The following YAP1 variants were observed in gnomAD, a reference collection of about 807,000 sequenced individuals.
YAP1 encodes the protein Yes1 associated transcriptional regulator.
Under a neutral mutation model 56.9 loss-of-function variants are expected in YAP1, and 5 were observed. That is an observed-to-expected ratio of 0.09 (90% CI 0.05 to 0.18). The LOEUF (loss-of-function observed/expected upper bound fraction) is 0.18, where lower values mean the gene tolerates loss of function less well. Ranked by LOEUF, YAP1 falls within the 10% of genes least tolerant of loss-of-function variation. The pLI, the probability that YAP1 is intolerant of heterozygous loss-of-function variation, is 1.00. For missense variants in YAP1, 539 were observed against 651.8 expected (o/e 0.83, Z 1.88); for synonymous variants, 265 against 248.1 (o/e 1.07, Z -0.64).
intron 4 of YAP1, among the ~76,000 whole-genome samples, chr11:102,199,611 CTCT>C (rs1299661638): frequency 6.6e-6 from 1 of 152,152 alleles, no homozygotes; most frequent in African/African-American, 2.4e-5. Context: ...CATCCCTTCT[CTCT>C]TCTTCCAGAC....
At chr11:102,115,993 T>A (rs1015489419) in intron 2 of YAP1, among the ~76,000 whole-genome samples, 1 of 152,216 alleles carries the variant, frequency 6.6e-6, no homozygotes, top group Non-Finnish European at 1.5e-5. Flanking sequence ...TTTATGCTCT[T>A]CTTCTTAGTT....
intron 2 of YAP1, among the ~76,000 whole-genome samples, chr11:102,161,053 C>CTTT (rs67023819): frequency 0.022 from 1,692 of 75,290 alleles, 23 homozygotes; most frequent in African/African-American, 0.04. Context: ...TAATTTCTTT[C>CTTT]TTTTTTTTTT....
rs1003865040 is a variant in YAP1, at chr11:102,164,492, T to TC, written c.688+1923dup. Reference sequence around the variant, plus strand: ...ATTCACATTATTCATTTTGTCATGCTCCATCTAAAAATTATCTCGGCAGTT... The same window carrying TC: ...ATTCACATTATTCATTTTGTCATGCTCCCATCTAAAAATTATCTCGGCAGTT... On this transcript the variant is annotated intron_variant, in intron 3 of 8. Coordinates refer to ENST00000282441, the MANE Select transcript of YAP1 (RefSeq NM_001130145.3). 1.1e-3 allele frequency among the ~76,000 whole-genome samples: 170 copies of TC among 152,348 alleles called. 1 individual carries two copies. Among genetic ancestry groups the TC allele is most frequent in the African/African-American group, 3.9e-3 (164 of 41,580 alleles).
chr11:102,164,704 A>C (rs1591288950), intron 3 of YAP1, among the ~76,000 whole-genome samples: 2 of 151,926 alleles, frequency 1.3e-5, no homozygotes, highest in African/African-American at 4.8e-5. Flanking sequence ...GTATGTATCA[A>C]CTTGGTTTTA....
chr11:102,176,028 T>G (rs529691018), intron 3 of YAP1, among the ~76,000 whole-genome samples: 1 of 152,330 alleles, frequency 6.6e-6, no homozygotes, highest in South Asian at 2.1e-4. Context: ...CAGATATTTA[T>G]GTTTATGGAA....
At chr11:102,153,124 G>C (rs921888585) in intron 2 of YAP1, among the ~76,000 whole-genome samples, 1 of 152,186 alleles carries the variant, frequency 6.6e-6, no homozygotes, top group Non-Finnish European at 1.5e-5. Context: ...TTTTCTCTTA[G>C]ATTTTAATCA....
chr11:102,228,326 A>G (rs973370426), intron 8 of YAP1, among the ~76,000 whole-genome samples: 2 of 152,178 alleles, frequency 1.3e-5, no homozygotes, highest in Non-Finnish European at 2.9e-5. Context: ...GGTGGGGCTC[A>G]CTTACTTTGT....
At chr11:102,209,381 G>T in intron 5 of YAP1, 136 bp from the exon 6 acceptor site, 1 of 769,784 alleles carries the variant, frequency 1.3e-6, no homozygotes, top group East Asian at 2.9e-5. Flanking sequence ...TCCTGTCTTC[G>T]TCAGTCTGCT....
intron 5 of YAP1, among the ~76,000 whole-genome samples, chr11:102,207,351 T>C (rs928806370): frequency 2.0e-5 from 3 of 152,116 alleles, no homozygotes; most frequent in Non-Finnish European, 1.5e-5. Flanking sequence ...ATCTGTGCCA[T>C]TTTTTCCCTA....
chr11:102,184,688 A>G (rs955406217), intron 3 of YAP1, among the ~76,000 whole-genome samples: 1 of 152,232 alleles, frequency 6.6e-6, no homozygotes, highest in African/African-American at 2.4e-5. Context: ...AACCAAAGTT[A>G]CTTATTCAGC....
chr11:102,219,919 A>T (rs1949839299), intron 6 of YAP1, among the ~76,000 whole-genome samples: 1 of 151,822 alleles, frequency 6.6e-6, no homozygotes, highest in African/African-American at 2.4e-5. Flanking sequence ...TTTTCAGTAG[A>T]GACGGGGTTT....
At chr11:102,176,781 A>G (rs1293548711) in intron 3 of YAP1, among the ~76,000 whole-genome samples, 1 of 140,146 alleles carries the variant, frequency 7.1e-6, no homozygotes, top group African/African-American at 2.6e-5. Flanking sequence ...AAAAAAGAGT[A>G]GAATTTCAGT....
At chr11:102,151,279 G>A (rs1298176332) in intron 2 of YAP1, among the ~76,000 whole-genome samples, 1 of 152,164 alleles carries the variant, frequency 6.6e-6, no homozygotes, top group Admixed American at 6.5e-5. Context: ...GGGTTTAGCT[G>A]AAATGTACTT....
rs553397825 is a variant in YAP1 at position 102,213,066 on chromosome 11, C to A, written c.1032+3502C>A. On this transcript the variant is annotated intron_variant, in intron 6 of 8. Transcript: ENST00000282441. The stretch of plus-strand genomic sequence containing the variant: ...GTGCTCACTTGTAAATTGGAGAGAC[C>A]TTTTGAGCAAGTGGGTTTAGGAATG... 1.1e-4 allele frequency among the ~76,000 whole-genome samples: 17 copies of A among 152,250 alleles called. No individual in the cohort carries two copies. The East Asian group carries it at 3.3e-3, about 29-fold the overall frequency.
At chr11:102,156,510 T>C (rs1945953952) in intron 2 of YAP1, among the ~76,000 whole-genome samples, 1 of 152,230 alleles carries the variant, frequency 6.6e-6, no homozygotes, top group Non-Finnish European at 1.5e-5. Flanking sequence ...TATTTTTAGT[T>C]CTGCCATTTC....
At chr11:102,189,409 A>T (rs561878316) in intron 4 of YAP1, among the ~76,000 whole-genome samples, 1 of 152,210 alleles carries the variant, frequency 6.6e-6, no homozygotes, top group East Asian at 1.9e-4. Flanking sequence ...GCTATTGTTT[A>T]TATTATAAAA....
chr11:102,180,681 C>CAAAA (rs58820066), intron 3 of YAP1, among the ~76,000 whole-genome samples: 18 of 42,420 alleles, frequency 4.2e-4, no homozygotes, highest in African/African-American at 9.9e-4. Context: ...GACTCCATCT[C>CAAAA]AAAAAAAAAA....
intron 3 of YAP1, among the ~76,000 whole-genome samples, chr11:102,172,303 T>A (rs918546273): frequency 2.4e-5 from 3 of 126,074 alleles, no homozygotes; most frequent in Admixed American, 1.5e-4. Flanking sequence ...GTGAAGAATT[T>A]TTTTTTTTTT....
intron 2 of YAP1, among the ~76,000 whole-genome samples, chr11:102,136,078 T>A (rs116165689): frequency 4.1e-4 from 62 of 152,296 alleles, no homozygotes; most frequent in African/African-American, 1.3e-3. Flanking sequence ...AAGAGTGGAA[T>A]TGCTGGGTCA....
Sources: gnomAD v4.1 joint callset for allele counts (sites outside exome capture counted in the v4.1 genomes callset) on GRCh38, gnomAD v4.1.1 for gene constraint, MANE v1.5 for transcripts, NCBI Gene and HGNC (gene_info 2026-07-23, HGNC 2026-07-21) for gene names.